The following DCK variants were observed in gnomAD, a reference collection of about 807,000 sequenced individuals.
The protein encoded by DCK is deoxyadenosine kinase.
In DCK, 23 loss-of-function variants were observed where a neutral mutation model predicts 38.3. The ratio of observed to expected loss-of-function variants is 0.60; its 90% CI spans 0.43 to 0.85. The LOEUF is 0.85. Ranked by LOEUF, DCK falls within the 40% of genes least tolerant of loss-of-function variation. The probability of loss-of-function intolerance (pLI) is 0.00; values close to 1 mark genes in which losing one functional copy is unlikely to be tolerated. For missense variants in DCK, 259 were observed against 304.4 expected, an observed-to-expected ratio of 0.85 and a Z score of 1.11; for synonymous variants, 108 against 100.6, an observed-to-expected ratio of 1.07 and a Z score of -0.44.
chr4:71,012,454 G>C (rs1247231150), intron 2 of DCK, among the ~76,000 whole-genome samples: 2 of 152,244 alleles, frequency 1.3e-5, no homozygotes, highest in Admixed American at 1.3e-4. Context: ...ATCTGAGAAC[G>C]GACAGACTGC....
At chr4:71,027,401 G>A (rs1740569875) in intron 6 of DCK, among the ~76,000 whole-genome samples, 1 of 152,054 alleles carries the variant, frequency 6.6e-6, no homozygotes, top group South Asian at 2.1e-4. Context: ...ACTATATTCT[G>A]TTAAGTGAGT....
At chr4:71,025,512 GTC>G (rs1373474072) in intron 4 of DCK, among the ~76,000 whole-genome samples, 1 of 152,052 alleles carries the variant, frequency 6.6e-6, no homozygotes, top group African/African-American at 2.4e-5. Context: ...TTTAGCTGTT[GTC>G]TCTGAACATT....
At chr4:71,023,451 C>T (rs1439575211) in intron 3 of DCK, 108 bp from the exon 4 acceptor site, 2 of 735,788 alleles carry the variant, frequency 2.7e-6, no homozygotes, top group East Asian at 2.8e-5. Flanking sequence ...TTCCACGGCA[C>T]TATGTGCCAC....
intron 2 of DCK, among the ~76,000 whole-genome samples, chr4:71,021,366 C>T (rs78006394): frequency 2.9e-3 from 436 of 152,290 alleles, no homozygotes; most frequent in East Asian, 0.014. Context: ...TGAGCCACCG[C>T]GCCCGGCCTG....
rs1486211475 is a variant in DCK at position 71,029,859 on chromosome 4, C to T, written c.*481C>T. 1 of 152,910 alleles carries T rather than the reference C, an allele frequency of 6.5e-6. No individual in the cohort carries two copies. The highest frequency in any genetic ancestry group is 1.5e-5 in the Non-Finnish European group (1 of 68,330). The allele number at this position is 152,910 out of a possible 1,614,324, so 9.5% of individuals were successfully genotyped here. On this transcript the variant is annotated 3_prime_UTR_variant, in exon 7 of 7. Transcript: ENST00000286648. ...GTTGCAAAGTGGAATTAAAGGAATC[C>T]CTAGAATAAGGATTCTGAAGTTTTA...
intron 4 of DCK, among the ~76,000 whole-genome samples, chr4:71,024,525 GT>G (rs1740502977): frequency 6.6e-6 from 1 of 152,054 alleles, no homozygotes; most frequent in Non-Finnish European, 1.5e-5. Flanking sequence ...GAATGTAAAT[GT>G]TATGACTTCT....
rs1023825869 is a variant in DCK at position 71,030,777 on chromosome 4, A to G, written c.*1399A>G. 1 of 152,152 alleles carries G rather than the reference A, an allele frequency of 6.6e-6. No individual in the cohort carries two copies. Among genetic ancestry groups the G allele is most frequent in the Admixed American group, 6.5e-5 (1 of 15,278 alleles). 9.4% of individuals were successfully genotyped at this position (152,152 alleles called of 1,614,324 possible). On this transcript the variant is annotated 3_prime_UTR_variant, in exon 7 of 7. Coordinates refer to ENST00000286648, the MANE Select transcript of DCK (RefSeq NM_000788.3). Reference sequence around the variant, plus strand: ...AATATTAAAGGTGAAAATTGTATAAATTACTTTGATTCCATTTTAAGTGGA... The same window carrying G: ...AATATTAAAGGTGAAAATTGTATAAGTTACTTTGATTCCATTTTAAGTGGA...
chr4:71,009,225 A>G (rs193176379), intron 2 of DCK, among the ~76,000 whole-genome samples: 5 of 152,350 alleles, frequency 3.3e-5, no homozygotes, highest in Admixed American at 6.5e-5. Context: ...TGGAGGTTCA[A>G]ATATGTGGGA....
intron 6 of DCK, chr4:71,028,531 A>T: frequency 2.7e-6 from 1 of 367,942 alleles, no homozygotes; most frequent in South Asian, 2.1e-5. Context: ...CCTGGGTGAC[A>T]GAGCAATAAA....
Position 70,994,958 on chromosome 4 carries a change from A to T in DCK, c.91+1032A>T, listed in dbSNP as rs72552070. The stretch of plus-strand genomic sequence containing the variant: ...CCTGTTTTGATAGATTTAAAAAAAA[A>T]TTTTTTTAGCTCCAGGTTGGGTGCT... On this transcript the variant is annotated intron_variant, in intron 1 of 6. Transcript: ENST00000286648. Among the ~76,000 whole-genome samples the T allele has an allele frequency of 8.6e-3, 1,304 of 152,222 alleles. 27 individuals are homozygous for T. Among genetic ancestry groups the T allele is most frequent in the African/African-American group, 0.03 (1,249 of 41,526 alleles).
intron 2 of DCK, among the ~76,000 whole-genome samples, chr4:71,019,114 G>T (rs1466308257): frequency 6.6e-6 from 1 of 152,036 alleles, no homozygotes; most frequent in African/African-American, 2.4e-5. Flanking sequence ...TGATACCCTG[G>T]CTTACTGTTA....
At chr4:70,997,120 A>G (rs1390841486) in intron 1 of DCK, among the ~76,000 whole-genome samples, 2 of 152,196 alleles carry the variant, frequency 1.3e-5, no homozygotes, top group Non-Finnish European at 2.9e-5. Context: ...GCTTGTAAGC[A>G]GTGTCAGAAG....
chr4:71,009,775 A>T (rs1325104448), intron 2 of DCK, among the ~76,000 whole-genome samples: 1 of 152,064 alleles, frequency 6.6e-6, no homozygotes, highest in African/African-American at 2.4e-5. Flanking sequence ...CAGAGGGGGT[A>T]GTATTTTTGA....
At position 71,029,514 on chromosome 4, in the gene DCK, T is replaced by A; in HGVS notation, c.*136T>A. On this transcript the variant is annotated 3_prime_UTR_variant, in exon 7 of 7. Transcript: ENST00000286648. ...TTTTGTTTTAAGGAAAAAAGATTTTTAAAATGAATCTTATGCAAAACTTTT... is the reference window on the plus strand; with the variant it reads ...TTTTGTTTTAAGGAAAAAAGATTTTAAAAATGAATCTTATGCAAAACTTTT... 1.5e-6 allele frequency: 1 copy of A among 672,800 alleles called. No homozygotes were observed. Among genetic ancestry groups the A allele is most frequent in the Non-Finnish European group, 2.6e-6 (1 of 382,644 alleles). 41.7% of individuals were successfully genotyped at this position (672,800 alleles called of 1,614,324 possible).
intron 2 of DCK, among the ~76,000 whole-genome samples, chr4:71,007,436 A>G (rs1259023679): frequency 1.3e-5 from 2 of 152,200 alleles, no homozygotes; most frequent in Non-Finnish European, 2.9e-5. Context: ...CGCCTTCTCC[A>G]ATCACTATAT....
chr4:71,028,002 T>G (rs1203626467), intron 6 of DCK, among the ~76,000 whole-genome samples: 1 of 152,186 alleles, frequency 6.6e-6, no homozygotes, highest in Non-Finnish European at 1.5e-5. Flanking sequence ...TTTTGTTTCT[T>G]GAGAATTATT....
intron 2 of DCK, among the ~76,000 whole-genome samples, chr4:71,002,679 CTTG>C (rs1255010789): frequency 2.0e-5 from 3 of 152,104 alleles, no homozygotes; most frequent in Admixed American, 1.3e-4. Context: ...ATAGTTAGCT[CTTG>C]TTGTTGCATT....
chr4:71,012,430 G>A (rs1352803048), intron 2 of DCK, among the ~76,000 whole-genome samples: 1 of 152,274 alleles, frequency 6.6e-6, no homozygotes, highest in African/African-American at 2.4e-5. Context: ...GGTTCTCTCA[G>A]CACGGAGTTT....
intron 2 of DCK, among the ~76,000 whole-genome samples, chr4:71,010,678 TA>T (rs1484610238): frequency 2.7e-5 from 4 of 147,624 alleles, no homozygotes; most frequent in Admixed American, 6.8e-5. Context: ...ATATATAATA[TA>T]AAAATTATAT....
Sources: allele counts gnomAD v4.1 joint callset (sites outside exome capture counted in the v4.1 genomes callset), GRCh38; gene constraint gnomAD v4.1.1; transcripts MANE v1.5; gene names NCBI Gene and HGNC (gene_info 2026-07-23, HGNC 2026-07-21).